ESYT2: variants seen among roughly 807,000 people sequenced by gnomAD.
The protein encoded by ESYT2 is extended synaptotagmin-2.
A neutral mutation model predicts 107.2 loss-of-function variants in ESYT2; 54 were observed. That is an observed-to-expected ratio of 0.50 (90% CI 0.40 to 0.63). The LOEUF (loss-of-function observed/expected upper bound fraction) is 0.63. ESYT2 is among the 30% of genes least tolerant of loss of function. ESYT2 has a pLI of 0.00. For synonymous variants in ESYT2, 491 were observed against 434.1 expected (o/e 1.13, Z -1.63); for missense variants, 1,020 against 1,094.5 (o/e 0.93, Z 0.96).
chr7:158,740,292 C>T (rs868406357), intron 18 of ESYT2, among the ~76,000 whole-genome samples: 7 of 152,190 alleles, frequency 4.6e-5, no homozygotes, highest in African/African-American at 1.2e-4. Context: ...GAGGTGCTTC[C>T]GGGCCTGTCA....
chr7:158,761,640 AC>A, intron 10 of ESYT2, 96 bp from the exon 11 acceptor site: 1 of 1,122,802 alleles, frequency 8.9e-7, no homozygotes, highest in Non-Finnish European at 1.3e-6. Flanking sequence ...TCCTGAAACA[AC>A]CTTAAGCATT....
chr7:158,780,877 G>A (rs997697899), intron 6 of ESYT2, among the ~76,000 whole-genome samples: 1 of 152,224 alleles, frequency 6.6e-6, no homozygotes, highest in Non-Finnish European at 1.5e-5. Flanking sequence ...AGAGCCAGAG[G>A]CTGTAATGAC....
chr7:158,763,387 TG>T (rs1180814090), intron 9 of ESYT2, among the ~76,000 whole-genome samples: 1 of 152,056 alleles, frequency 6.6e-6, no homozygotes, highest in African/African-American at 2.4e-5. Context: ...CTCCGCCTCC[TG>T]GGTTCAAGCG....
rs79542730 is a variant in ESYT2, at chr7:158,795,782, C to T, written c.508-2056G>A. On this transcript the variant is annotated intron_variant, in intron 3 of 22. Coordinates refer to ENST00000275418, the MANE Select transcript of ESYT2 (RefSeq NM_001367773.1). ...GTCAACACTGAAAGTGTCCTACAGG[C>T]GTCCCGTGTAGAGACATGGGCTCGT... Among the ~76,000 whole-genome samples the T allele has an allele frequency of 2.4e-4, 36 of 152,358 alleles. 1 individual carries two copies. The highest frequency in any genetic ancestry group is 2.1e-3 in the South Asian group (10 of 4,830).
Position 158,779,838 on chromosome 7 carries a change from C to T in ESYT2, c.748-6442G>A, listed in dbSNP as rs73523648. ...CTACCTTGACTCGGGTATTTGCTTA[C>T]AGAGGCTATGCAGAGCTTATGAACA... On this transcript the variant is annotated intron_variant, in intron 6 of 22. Coordinates refer to ENST00000275418, the MANE Select transcript of ESYT2 (RefSeq NM_001367773.1). Among the ~76,000 whole-genome samples the T allele has an allele frequency of 1.7e-3, 256 of 152,308 alleles. 1 individual carries two copies. The highest frequency in any genetic ancestry group is 0.01 in the Middle Eastern group (3 of 294).
At chr7:158,793,861 CAG>C (rs1478523184) in intron 3 of ESYT2, 135 bp from the exon 4 acceptor site, 2 of 709,350 alleles carry the variant, frequency 2.8e-6, no homozygotes, top group African/African-American at 1.8e-5. Context: ...GCCTTCATAA[CAG>C]AGTGTGGCTT....
rs145453198 is a variant in ESYT2, at chr7:158,757,345, T to C, written c.1419+2141A>G. Among the ~76,000 whole-genome samples, 33 of 152,326 alleles carry C rather than the reference T, an allele frequency of 2.2e-4. No individual in the cohort carries two copies. In the East Asian group the frequency reaches 6.4e-3, roughly 29 times the overall value. ...CGGAGGACTCACAAATAGTGCTCTATAGACTGAGGCGGTATTTTCACAAAA... is the reference window on the plus strand; with the variant it reads ...CGGAGGACTCACAAATAGTGCTCTACAGACTGAGGCGGTATTTTCACAAAA... On this transcript the variant is annotated intron_variant, in intron 13 of 22. Transcript: ENST00000275418.
At position 158,743,693 on chromosome 7, in the gene ESYT2, G is replaced by A. The variant is rs1837295499; in HGVS notation, c.1645-15C>T. On this transcript the variant is annotated splice_polypyrimidine_tract_variant and intron_variant, in intron 16 of 22. Transcript: ENST00000275418. Reference sequence around the variant, plus strand: ...TCGTCTCTGACCTGCAAAACACAGGGTGGAAACACTGGCATAACTAGGATC... The same window carrying A: ...TCGTCTCTGACCTGCAAAACACAGGATGGAAACACTGGCATAACTAGGATC... 1.2e-6 allele frequency: 2 copies of A among 1,603,168 alleles called. No homozygotes were observed. The highest frequency in any genetic ancestry group is 2.3e-5 in the East Asian group (1 of 43,640).
At chr7:158,768,883 C>CAT (rs1040174633) in intron 7 of ESYT2, among the ~76,000 whole-genome samples, 301 of 152,278 alleles carry the variant, frequency 2.0e-3, no homozygotes, top group African/African-American at 6.9e-3. Flanking sequence ...AACAAACAAA[C>CAT]ATATATATAT....
intron 13 of ESYT2, among the ~76,000 whole-genome samples, chr7:158,756,308 G>A (rs1837753693): frequency 6.6e-6 from 1 of 152,180 alleles, no homozygotes; most frequent in African/African-American, 2.4e-5. Context: ...TCTACTGCAA[G>A]CACAGAGAAC....
At chr7:158,782,439 T>A (rs1838923318) in intron 6 of ESYT2, among the ~76,000 whole-genome samples, 8 of 150,850 alleles carry the variant, frequency 5.3e-5, no homozygotes, top group Non-Finnish European at 8.9e-5. Flanking sequence ...GAGGTGTGAG[T>A]GTAAGAACGA....
chr7:158,822,729 C>T (rs544308797), intron 1 of ESYT2, among the ~76,000 whole-genome samples: 2 of 151,098 alleles, frequency 1.3e-5, no homozygotes, highest in East Asian at 4.0e-4. Flanking sequence ...GAGGATCCCT[C>T]AAGCCTAGGA....
chr7:158,778,847 CTTTT>C (rs1287355929), intron 6 of ESYT2, among the ~76,000 whole-genome samples: 1 of 143,750 alleles, frequency 7.0e-6, no homozygotes. Context: ...GCTGGCTTCA[CTTTT>C]TTTTTTTTTT....
At chr7:158,771,474 C>T (rs1391222240) in intron 7 of ESYT2, among the ~76,000 whole-genome samples, 4 of 152,180 alleles carry the variant, frequency 2.6e-5, no homozygotes. Flanking sequence ...TCATCGGAGT[C>T]GCAGGAATCT....
rs1333620594 is a variant in ESYT2 at position 158,731,032 on chromosome 7, G to C, written c.*3175C>G. The C allele has an allele frequency of 6.6e-6, 1 of 152,180 alleles. No individual in the cohort carries two copies. Among genetic ancestry groups the C allele is most frequent in the East Asian group, 1.9e-4 (1 of 5,194 alleles). 9.4% of individuals were successfully genotyped at this position (152,180 alleles called of 1,614,324 possible). A position where few individuals can be genotyped will look rare whatever the true frequency, so the allele number is the denominator to read the frequency against. ...TAAAGGTTTTATTGAATAAATACAT[G>C]CACTGTCACGTGAAATTAGTTGAAC... On this transcript the variant is annotated 3_prime_UTR_variant, in exon 23 of 23. Coordinates refer to ENST00000275418, the MANE Select transcript of ESYT2 (RefSeq NM_001367773.1).
At chr7:158,789,129 G>C (rs1839199400) in intron 4 of ESYT2, among the ~76,000 whole-genome samples, 1 of 152,158 alleles carries the variant, frequency 6.6e-6, no homozygotes, top group East Asian at 1.9e-4. Context: ...ATGTTTGTTG[G>C]TAAGTTTGAT....
At chr7:158,807,279 C>G (rs183871397) in intron 1 of ESYT2, among the ~76,000 whole-genome samples, 1,562 of 135,628 alleles carry the variant, frequency 0.012, 37 homozygotes, top group African/African-American at 0.04. Flanking sequence ...AAAAGAATTA[C>G]AGAAGTGACT....
At chr7:158,793,090 G>A (rs749026243) in intron 4 of ESYT2, among the ~76,000 whole-genome samples, 1 of 152,012 alleles carries the variant, frequency 6.6e-6, no homozygotes, top group Non-Finnish European at 1.5e-5. Context: ...TAACTGTGGG[G>A]TTTTCTTATA....
chr7:158,744,045 G>T, intron 16 of ESYT2: 1 of 178,638 alleles, frequency 5.6e-6, no homozygotes, highest in Non-Finnish European at 1.2e-5. Context: ...CTGCACTCCA[G>T]CCTGGGTGAC....
Sources: allele counts gnomAD v4.1 joint callset (sites outside exome capture counted in the v4.1 genomes callset), GRCh38; gene constraint gnomAD v4.1.1; transcripts MANE v1.5; gene names NCBI Gene and HGNC (gene_info 2026-07-23, HGNC 2026-07-21).